ESRRG: variants seen among roughly 807,000 people sequenced by gnomAD.
ESRRG encodes the protein estrogen-related receptor gamma.
In ESRRG, 13 loss-of-function variants were observed where a neutral mutation model predicts 44.0. That is an observed-to-expected ratio of 0.30 (90% confidence interval 0.19 to 0.47). The LOEUF (loss-of-function observed/expected upper bound fraction) is 0.47, where lower values mean the gene tolerates loss of function less well. Among genes scored for constraint, ESRRG ranks in the 20% least tolerant of loss-of-function variants. The pLI, the probability that ESRRG is intolerant of heterozygous loss-of-function variation, is 1.00. For missense variants in ESRRG, 395 were observed against 580.6 expected (o/e 0.68, Z 3.29); for synonymous variants, 215 against 214.6 (o/e 1.00, Z -0.02).
At chr1:216,922,917 C>T (rs775063149) in intron 2 of ESRRG, among the ~76,000 whole-genome samples, 21 of 152,260 alleles carry the variant, frequency 1.4e-4, no homozygotes, top group African/African-American at 2.4e-4. Context: ...TACCCTTTCA[C>T]GCCTGCACAC....
chr1:216,857,721 T>TAAA (rs10574748), intron 2 of ESRRG, among the ~76,000 whole-genome samples: 2 of 128,578 alleles, frequency 1.6e-5, no homozygotes, highest in Admixed American at 7.9e-5. Context: ...AAGCCAGATT[T>TAAA]AAAAAAAAAA....
chr1:217,110,631 G>A (rs2092650878), intron 1 of ESRRG, among the ~76,000 whole-genome samples: 1 of 152,076 alleles, frequency 6.6e-6, no homozygotes, highest in African/African-American at 2.4e-5. Context: ...AACAGGAACA[G>A]GCAAGAGAGA....
intron 1 of ESRRG, among the ~76,000 whole-genome samples, chr1:216,684,205 A>G (rs2077528636): frequency 6.6e-6 from 1 of 152,130 alleles, no homozygotes; most frequent in Non-Finnish European, 1.5e-5. Context: ...ACTATTTTAG[A>G]TGTAGGAAAT....
intron 2 of ESRRG, among the ~76,000 whole-genome samples, chr1:216,751,090 T>G (rs2091963902): frequency 6.6e-6 from 1 of 152,156 alleles, no homozygotes; most frequent in Admixed American, 6.5e-5. Context: ...TTTCTCACCC[T>G]GGAGTTGGGA....
intron 1 of ESRRG, among the ~76,000 whole-genome samples, chr1:216,718,061 A>C (rs1268030062): frequency 6.6e-6 from 1 of 151,882 alleles, no homozygotes; most frequent in Non-Finnish European, 1.5e-5. Flanking sequence ...TAATGTGAAA[A>C]TTCTAAAATC....
Position 216,954,785 on chromosome 1 carries a change from G to A in ESRRG, c.-105-15112C>T, listed in dbSNP as rs77564110. Among the ~76,000 whole-genome samples, 864 of 152,256 alleles carry A rather than the reference G, an allele frequency of 5.7e-3. 7 individuals carry two copies. Among genetic ancestry groups the A allele is most frequent in the African/African-American group, 0.019 (784 of 41,546 alleles). On this transcript the variant is annotated intron_variant, in intron 1 of 7. Coordinates refer to the ESRRG transcript ENST00000359162. ...TGCCAGCTGACAGGCAGAGGAGTAA[G>A]TTGTGACATCTCAGTAGTGATCCTG... is the stretch of plus-strand genomic sequence containing the variant.
intron 1 of ESRRG, among the ~76,000 whole-genome samples, chr1:217,016,228 C>T (rs1425637046): frequency 6.6e-6 from 1 of 152,070 alleles, no homozygotes; most frequent in Non-Finnish European, 1.5e-5. Flanking sequence ...GCAGCTTACT[C>T]ATCGCAAGTG....
chr1:216,849,433 C>T (rs1259688805), intron 2 of ESRRG, among the ~76,000 whole-genome samples: 1 of 152,098 alleles, frequency 6.6e-6, no homozygotes, highest in East Asian at 1.9e-4. Flanking sequence ...TATCTCTCGA[C>T]ATTTAAAGGT....
intron 2 of ESRRG, among the ~76,000 whole-genome samples, chr1:216,893,420 C>A (rs1276642937): frequency 2.6e-5 from 4 of 152,034 alleles, no homozygotes; most frequent in African/African-American, 9.7e-5. Flanking sequence ...ATGAGGCACA[C>A]AGGAATAAAT....
At chr1:217,084,455 A>AGAAT (rs199970291) in intron 1 of ESRRG, among the ~76,000 whole-genome samples, 24,664 of 152,094 alleles carry the variant, frequency 0.16, 2,273 homozygotes, top group Admixed American at 0.22. Context: ...TATTAATCTA[A>AGAAT]TATATCTTAG....
In ESRRG at chr1:217,127,581, T is replaced by C. The variant is rs150548674; in HGVS notation, c.-230+10086A>G. On this transcript the variant is annotated intron_variant, in intron 1 of 8. Coordinates refer to the ESRRG transcript ENST00000366940. ...ATCTGAAATCCCTGGATTATTTTATTCTAAGCAACATAATGTGGTAAGTAA... is the reference window on the plus strand; with the variant it reads ...ATCTGAAATCCCTGGATTATTTTATCCTAAGCAACATAATGTGGTAAGTAA... Among the ~76,000 whole-genome samples, 262 of 152,296 alleles carry C rather than the reference T, an allele frequency of 1.7e-3. 1 individual carries two copies. Among genetic ancestry groups the C allele is most frequent in the African/African-American group, 6.1e-3 (252 of 41,554 alleles).
chr1:217,024,858 G>T (rs577550990), intron 1 of ESRRG, among the ~76,000 whole-genome samples: 15 of 152,312 alleles, frequency 9.8e-5, no homozygotes, highest in East Asian at 7.7e-4. Context: ...GCAAATTGAG[G>T]TATAGAGAGA....
chr1:216,888,817 AC>A (rs1368099818), intron 2 of ESRRG, among the ~76,000 whole-genome samples: 1 of 152,178 alleles, frequency 6.6e-6, no homozygotes, highest in Non-Finnish European at 1.5e-5. Context: ...GCTAGAGTTC[AC>A]TGTGTTTCTA....
intron 3 of ESRRG, among the ~76,000 whole-genome samples, chr1:216,602,905 C>A (rs908325641): frequency 3.3e-5 from 5 of 152,100 alleles, no homozygotes; most frequent in Non-Finnish European, 7.4e-5. Context: ...AAAACTAAGA[C>A]AAAACAGTTT....
chr1:217,111,747 G>T (rs910103898), intron 1 of ESRRG, among the ~76,000 whole-genome samples: 3 of 152,200 alleles, frequency 2.0e-5, no homozygotes, highest in Non-Finnish European at 4.4e-5. Context: ...CCCTGGGAGA[G>T]TGGTAGTTGG....
At chr1:216,994,464 AAC>A (rs112022176) in intron 1 of ESRRG, among the ~76,000 whole-genome samples, 1,717 of 150,726 alleles carry the variant, frequency 0.011, 23 homozygotes, top group African/African-American at 0.035. Context: ...CATGTGTGTA[AAC>A]ACACACACAC....
chr1:216,581,513 C>T (rs1307472023), intron 3 of ESRRG, among the ~76,000 whole-genome samples: 2 of 152,076 alleles, frequency 1.3e-5, no homozygotes, highest in Admixed American at 6.6e-5. Flanking sequence ...CACAAGTTTC[C>T]CTCCCAAAAG....
upstream of ESRRG, among the ~76,000 whole-genome samples, chr1:216,724,362 ATTT>A (rs35611593): frequency 4.9e-5 from 7 of 143,088 alleles, no homozygotes; most frequent in Non-Finnish European, 7.5e-5. Flanking sequence ...TAAAGACAGC[ATTT>A]TTTTTTTTTT....
At chr1:216,592,727 T>A (rs749714022) in intron 3 of ESRRG, among the ~76,000 whole-genome samples, 4 of 152,166 alleles carry the variant, frequency 2.6e-5, no homozygotes, top group Admixed American at 2.0e-4. Context: ...CTCAAACTCC[T>A]GACCTCAGGT....
Sources: allele counts gnomAD v4.1 joint callset (sites outside exome capture counted in the v4.1 genomes callset), GRCh38; gene constraint gnomAD v4.1.1; transcripts MANE v1.5; gene names NCBI Gene and HGNC (gene_info 2026-07-23, HGNC 2026-07-21).